Variants in EIF2B3 observed in about 807,000 individuals in gnomAD.
The protein encoded by EIF2B3 is eukaryotic translation initiation factor 2B subunit gamma.
Under a neutral mutation model 54.1 loss-of-function variants are expected in EIF2B3, and 20 were observed. The ratio of observed to expected loss-of-function variants is 0.37; its 90% CI spans 0.26 to 0.54. The LOEUF is 0.54. Ranked by LOEUF, EIF2B3 falls within the 20% of genes least tolerant of loss-of-function variation. EIF2B3 has a pLI of 0.86. For missense variants in EIF2B3, 448 were observed against 547.8 expected (o/e 0.82, Z 1.82); for synonymous variants, 153 against 188.1 (o/e 0.81, Z 1.52).
At chr1:44,865,754 G>A (rs964598996) in intron 10 of EIF2B3, among the ~76,000 whole-genome samples, 1 of 151,652 alleles carries the variant, frequency 6.6e-6, no homozygotes. Flanking sequence ...GAGTAATTTT[G>A]TATGGGGTTT....
At chr1:44,873,227 T>C (rs1330194114) in intron 10 of EIF2B3, among the ~76,000 whole-genome samples, 3 of 152,212 alleles carry the variant, frequency 2.0e-5, no homozygotes, top group African/African-American at 7.2e-5. Context: ...CTTCTGAAGA[T>C]TTTGTTATGA....
intron 11 of EIF2B3, 63 bp downstream of exon 11, chr1:44,857,641 T>G: frequency 1.4e-6 from 2 of 1,472,672 alleles, no homozygotes; most frequent in Non-Finnish European, 1.9e-6. Flanking sequence ...CTCACCAGCC[T>G]TTGGCATTAT....
chr1:44,942,423 T>TATATACACATATATATATACA (rs1644044915), intron 3 of EIF2B3, among the ~76,000 whole-genome samples: 1 of 48,208 alleles, frequency 2.1e-5, no homozygotes, highest in African/African-American at 1.1e-4. Flanking sequence ...ATATATTTTT[T>TATATACACATATATATATACA]TTTTTTTTTT....
chr1:44,970,189 A>G (rs891988669), intron 3 of EIF2B3: 3 of 152,232 alleles, frequency 2.0e-5, no homozygotes, highest in African/African-American at 2.4e-5. Flanking sequence ...CAAATATGGT[A>G]TCTAACTTCA....
intron 4 of EIF2B3, among the ~76,000 whole-genome samples, chr1:44,927,656 C>T (rs1042725046): frequency 2.6e-5 from 4 of 151,940 alleles, no homozygotes; most frequent in Non-Finnish European, 4.4e-5. Context: ...TAATTGGTGA[C>T]GTTTAAACAA....
chr1:44,888,587 A>G (rs554377808), intron 6 of EIF2B3, among the ~76,000 whole-genome samples: 15 of 152,252 alleles, frequency 9.9e-5, no homozygotes, highest in Admixed American at 2.0e-4. Flanking sequence ...TCTGAGGCTC[A>G]TATTAAGTTG....
chr1:44,939,803 A>G (rs1011948736), intron 4 of EIF2B3, among the ~76,000 whole-genome samples: 7 of 152,116 alleles, frequency 4.6e-5, no homozygotes, highest in South Asian at 2.1e-4. Flanking sequence ...TGACAAGAAG[A>G]ATAAGTTGAT....
intron 5 of EIF2B3, among the ~76,000 whole-genome samples, chr1:44,911,996 G>A (rs1362326365): frequency 1.3e-5 from 2 of 150,842 alleles, no homozygotes; most frequent in South Asian, 2.1e-4. Flanking sequence ...TGAGAATGAT[G>A]ATTTCCAATT....
intron 3 of EIF2B3, chr1:44,959,456 T>C: frequency 2.5e-6 from 1 of 398,352 alleles, no homozygotes; most frequent in South Asian, 3.1e-5. Context: ...GCTGGGAGGA[T>C]CACTTGAGCC....
intron 5 of EIF2B3, among the ~76,000 whole-genome samples, chr1:44,920,620 CAAGT>C (rs1380293383): frequency 5.3e-5 from 8 of 152,144 alleles, no homozygotes; most frequent in Non-Finnish European, 1.5e-5. Flanking sequence ...CTCACACAAA[CAAGT>C]AAGTGAAAAC....
At chr1:44,923,117 T>C (rs1191747541) in intron 5 of EIF2B3, among the ~76,000 whole-genome samples, 1 of 152,220 alleles carries the variant, frequency 6.6e-6, no homozygotes, top group Non-Finnish European at 1.5e-5. Context: ...CTAATAGTTT[T>C]TCATGGAGTC....
At chr1:44,897,283 T>C (rs1656002339) in intron 6 of EIF2B3, 72 bp downstream of exon 6, 2 of 1,120,918 alleles carry the variant, frequency 1.8e-6, no homozygotes, top group Non-Finnish European at 2.7e-6. Context: ...ATTATGAAGG[T>C]TTAAAATTTA....
At chr1:44,958,467 G>C (rs1422941207) in intron 3 of EIF2B3, 2 of 714,090 alleles carry the variant, frequency 2.8e-6, no homozygotes, top group Non-Finnish European at 4.5e-6. Flanking sequence ...GGACCTCTTT[G>C]GTGCTGTAAA....
At position 44,943,368 on chromosome 1, in the gene EIF2B3, CTATCTATATCTATATCTA is replaced by C. The variant is rs59247483; in HGVS notation, c.295-1721_295-1704del. On this transcript the variant is annotated intron_variant, in intron 3 of 11. Coordinates refer to ENST00000360403, the MANE Select transcript of EIF2B3 (RefSeq NM_020365.5). ...TCACAACAACCATATGCAGGAAGAA[CTATCTATATCTATATCTA>C]TATCTATATCTATATCTATATCTAT... is the stretch of plus-strand genomic sequence containing the variant. Among the ~76,000 whole-genome samples, 1,233 of 144,544 alleles carry C rather than the reference CTATCTATATCTATATCTA, an allele frequency of 8.5e-3. 19 individuals carry two copies. Among genetic ancestry groups the C allele is most frequent in the African/African-American group, 0.026 (1,032 of 39,020 alleles). The allele number at this position is 144,544 out of a possible 152,430, so 94.8% of individuals were successfully genotyped here.
intron 5 of EIF2B3, among the ~76,000 whole-genome samples, chr1:44,902,281 TTC>T (rs1457114359): frequency 5.3e-5 from 8 of 152,202 alleles, no homozygotes; most frequent in Non-Finnish European, 8.8e-5. Context: ...GTTCTGGATA[TTC>T]TGTGTTCTTT....
intron 3 of EIF2B3, among the ~76,000 whole-genome samples, chr1:44,954,889 C>T (rs1022078461): frequency 5.9e-5 from 9 of 152,070 alleles, no homozygotes; most frequent in Non-Finnish European, 1.0e-4. Flanking sequence ...TTATGAGATA[C>T]GTTCCATCAA....
At chr1:44,986,143 T>TC (rs1644574191) in intron 1 of EIF2B3, among the ~76,000 whole-genome samples, 1 of 110,046 alleles carries the variant, frequency 9.1e-6, no homozygotes, top group African/African-American at 3.1e-5. Context: ...CTTTTCTTTT[T>TC]TTTTTTTTTT....
chr1:44,882,145 C>T (rs143791445), intron 6 of EIF2B3, among the ~76,000 whole-genome samples: 11 of 152,228 alleles, frequency 7.2e-5, no homozygotes, highest in South Asian at 2.1e-4. Flanking sequence ...CAAGCATATG[C>T]GAGTTACTGT....
intron 4 of EIF2B3, among the ~76,000 whole-genome samples, chr1:44,941,300 T>C (rs921175049): frequency 2.6e-5 from 4 of 152,234 alleles, no homozygotes; most frequent in Admixed American, 1.3e-4. Flanking sequence ...CCTCTCTGCA[T>C]ACAAAAGGAC....
Sources: allele counts gnomAD v4.1 joint callset (sites outside exome capture counted in the v4.1 genomes callset), GRCh38; gene constraint gnomAD v4.1.1; transcripts MANE v1.5; gene names NCBI Gene and HGNC (gene_info 2026-07-23, HGNC 2026-07-21).